Variants in ST3GAL3 observed in about 807,000 individuals in gnomAD.
ST3GAL3 encodes ST3 beta-galactoside alpha-2,3-sialyltransferase 3, also known as CMP-N-acetylneuraminate-beta-1,4-galactoside alpha-2,3-sialyltransferase.
A neutral mutation model predicts 50.1 loss-of-function variants in ST3GAL3; 21 were observed. The observed-to-expected ratio is 0.42, with a 90% CI of 0.30 to 0.60. ST3GAL3 has a LOEUF of 0.60. Among genes scored for constraint, ST3GAL3 ranks in the 20% least tolerant of loss-of-function variants. ST3GAL3 has a pLI of 0.19. For synonymous variants in ST3GAL3, 183 were observed against 190.0 expected (o/e 0.96, Z 0.30); for missense variants, 353 against 489.4 (o/e 0.72, Z 2.63).
At chr1:43,910,697 T>C (rs767079130) in intron 9 of ST3GAL3, among the ~76,000 whole-genome samples, 43 of 152,352 alleles carry the variant, frequency 2.8e-4, no homozygotes, top group Non-Finnish European at 4.7e-4. Context: ...TTTCTTGGCC[T>C]TCAGGATACA....
chr1:43,756,357 G>T (rs1466826748), intron 2 of ST3GAL3, among the ~76,000 whole-genome samples: 2 of 152,018 alleles, frequency 1.3e-5, no homozygotes, highest in Non-Finnish European at 2.9e-5. Context: ...ATTTTTTTGG[G>T]ATCAGTGGAA....
chr1:43,854,843 A>G lies in ST3GAL3; in HGVS notation c.302+16532A>G, dbSNP rs145148341. On this transcript the variant is annotated intron_variant, in intron 5 of 11. Transcript: ENST00000347631. ...TCTTTTCCCTTCCCCTCTTAACCAG[A>G]TATCTAATGAGTCGTCAAGTCCTGG... Among the ~76,000 whole-genome samples, 5 of 152,238 alleles carry G rather than the reference A, an allele frequency of 3.3e-5. No homozygotes were observed. The East Asian group carries it at 9.7e-4, about 29-fold the overall frequency.
At chr1:43,871,261 T>A (rs1215893223) in intron 5 of ST3GAL3, among the ~76,000 whole-genome samples, 1 of 152,258 alleles carries the variant, frequency 6.6e-6, no homozygotes, top group South Asian at 2.1e-4. Flanking sequence ...CTTGGCAGGA[T>A]GTGCACTGTA....
intron 3 of ST3GAL3, among the ~76,000 whole-genome samples, chr1:43,798,612 C>G (rs2058962712): frequency 6.6e-6 from 1 of 152,172 alleles, no homozygotes; most frequent in African/African-American, 2.4e-5. Context: ...CCCACTGTCA[C>G]CTCCGCCAGA....
At chr1:43,858,022 T>G in intron 5 of ST3GAL3, 1 of 652,922 alleles carries the variant, frequency 1.5e-6, no homozygotes, top group Non-Finnish European at 2.3e-6. Flanking sequence ...TCTTCACAGA[T>G]GGTTTGAGAA....
rs867339862 is a variant in ST3GAL3, at chr1:43,917,528, T to A, written c.745-2876T>A. On this transcript the variant is annotated intron_variant, in intron 9 of 11. Coordinates refer to ENST00000347631, the MANE Select transcript of ST3GAL3 (RefSeq NM_006279.5). ...ATTATATAATATAATATATATTATA[T>A]TATATAATATATTATGTATTATATA... Among the ~76,000 whole-genome samples, 5 of 68,520 alleles carry A rather than the reference T, an allele frequency of 7.3e-5. No individual in the cohort carries two copies. In the South Asian group the frequency reaches 1.8e-3, roughly 24 times the overall value. The allele number at this position is 68,520 out of a possible 152,430, so 45.0% of individuals were successfully genotyped here. A position where few individuals can be genotyped will look rare whatever the true frequency, so the allele number is the denominator to read the frequency against.
At chr1:43,739,766 G>A (rs1401735884) in intron 2 of ST3GAL3, among the ~76,000 whole-genome samples, 1 of 152,062 alleles carries the variant, frequency 6.6e-6, no homozygotes, top group Admixed American at 6.6e-5. Flanking sequence ...TAATTCCAAG[G>A]TGTATTGTAG....
chr1:43,877,906 C>T (rs2074400244), intron 5 of ST3GAL3, among the ~76,000 whole-genome samples: 1 of 152,186 alleles, frequency 6.6e-6, no homozygotes, highest in African/African-American at 2.4e-5. Flanking sequence ...AAAAAGATGG[C>T]TGAAACCTTC....
rs775153049 is a variant in ST3GAL3, at chr1:43,759,063, G to GCACA, written c.118+22684_118+22685insACAC. On this transcript the variant is annotated intron_variant, in intron 2 of 11. Coordinates refer to ENST00000347631, the MANE Select transcript of ST3GAL3 (RefSeq NM_006279.5). ...TCTCCTAAAAAACAAACAAAAGCGC[G>GCACA]CGCACACACACACACACACACACAC... Among the ~76,000 whole-genome samples, 240 of 132,412 alleles carry GCACA rather than the reference G, an allele frequency of 1.8e-3. 3 individuals carry two copies. Among genetic ancestry groups the GCACA allele is most frequent in the African/African-American group, 7.6e-3 (232 of 30,672 alleles). The allele number at this position is 132,412 out of a possible 152,430, so 86.9% of individuals were successfully genotyped here.
intron 4 of ST3GAL3, among the ~76,000 whole-genome samples, chr1:43,823,848 T>C (rs2062425228): frequency 6.6e-6 from 1 of 152,232 alleles, no homozygotes; most frequent in Non-Finnish European, 1.5e-5. Flanking sequence ...ATAGAAGGGA[T>C]AAGTAATTTG....
intron 2 of ST3GAL3, chr1:43,772,779 A>G (rs1333514139): frequency 6.6e-6 from 1 of 151,178 alleles, no homozygotes; most frequent in Non-Finnish European, 1.5e-5. Context: ...GAAGAGTCTC[A>G]CTCTGTCACC....
intron 2 of ST3GAL3, among the ~76,000 whole-genome samples, chr1:43,739,668 T>A (rs941714760): frequency 1.3e-5 from 2 of 152,206 alleles, no homozygotes; most frequent in African/African-American, 4.8e-5. Flanking sequence ...ACAATTATTA[T>A]AATATACTGA....
intron 5 of ST3GAL3, among the ~76,000 whole-genome samples, chr1:43,892,768 T>C (rs2076852032): frequency 6.6e-6 from 1 of 152,208 alleles, no homozygotes; most frequent in Non-Finnish European, 1.5e-5. Flanking sequence ...AGCTTGACTC[T>C]GAGAGAAACT....
At chr1:43,902,798 C>G (rs1395809200) in intron 9 of ST3GAL3, among the ~76,000 whole-genome samples, 1 of 152,184 alleles carries the variant, frequency 6.6e-6, no homozygotes, top group Non-Finnish European at 1.5e-5. Flanking sequence ...CAGTCTTCCC[C>G]AACACACTCA....
intron 5 of ST3GAL3, among the ~76,000 whole-genome samples, chr1:43,892,628 A>G (rs986704575): frequency 7.9e-5 from 12 of 152,354 alleles, no homozygotes; most frequent in African/African-American, 2.9e-4. Flanking sequence ...GAACTTTCCA[A>G]TCATCTGAAT....
chr1:43,846,866 C>T (rs756713203), intron 5 of ST3GAL3, among the ~76,000 whole-genome samples: 38 of 152,078 alleles, frequency 2.5e-4, no homozygotes, highest in Non-Finnish European at 4.3e-4. Flanking sequence ...AGGCAACCTA[C>T]AGAATGGGAG....
At chr1:43,733,841 C>T (rs544505724) in intron 1 of ST3GAL3, among the ~76,000 whole-genome samples, 5 of 152,302 alleles carry the variant, frequency 3.3e-5, no homozygotes, top group South Asian at 4.1e-4. Context: ...TTTCACCGGG[C>T]GTGGTGGCTC....
chr1:43,899,771 T>G lies in ST3GAL3; in HGVS notation c.744+44T>G. On this transcript the variant is annotated intron_variant, in intron 9 of 11. Transcript: ENST00000347631. This position sits in a 1 kb window ranked among gnomAD's most constrained non-coding sequence, Gnocchi z 5.4. ...AGCTTCTTCCCCTCTTGCCCTGGGCTTCCGCAACTCCTAAGCAATCCCGCC... is the reference window on the plus strand; with the variant it reads ...AGCTTCTTCCCCTCTTGCCCTGGGCGTCCGCAACTCCTAAGCAATCCCGCC... The G allele has an allele frequency of 1.3e-6, 2 of 1,574,076 alleles. No individual in the cohort carries two copies. The highest frequency in any genetic ancestry group is 1.7e-6 in the Non-Finnish European group (2 of 1,144,328).
At chr1:43,776,353 A>G (rs1175386397) in intron 2 of ST3GAL3, among the ~76,000 whole-genome samples, 1 of 152,162 alleles carries the variant, frequency 6.6e-6, no homozygotes, top group Admixed American at 6.5e-5. Context: ...TTTTGCACTT[A>G]GGATAATGTT....
Sources: allele counts gnomAD v4.1 joint callset (sites outside exome capture counted in the v4.1 genomes callset), GRCh38; gene constraint gnomAD v4.1.1; non-coding constraint Gnocchi (gnomAD v3.1); transcripts MANE v1.5; gene names NCBI Gene and HGNC (gene_info 2026-07-23, HGNC 2026-07-21).